LVRN: variants seen among roughly 807,000 people sequenced by gnomAD.
LVRN encodes laeverin.
In LVRN, 99 loss-of-function variants were observed where a neutral mutation model predicts 111.4. The observed-to-expected ratio is 0.89, with a 90% CI of 0.76 to 1.05. The LOEUF (loss-of-function observed/expected upper bound fraction) is 1.05, where lower values mean the gene tolerates loss of function less well. LVRN is among the 50% of genes least tolerant of loss of function. LVRN has a pLI of 0.00. For missense variants in LVRN, 1,414 were observed against 1,206.8 expected, an observed-to-expected ratio of 1.17 and a Z score of -2.54; for synonymous variants, 488 against 449.5, an observed-to-expected ratio of 1.09 and a Z score of -1.08.
intron 18 of LVRN, chr5:116,021,812 T>C (rs1748737215): frequency 5.0e-6 from 2 of 402,194 alleles, no homozygotes; most frequent in Non-Finnish European, 4.8e-6. Context: ...TTTTTTTTTT[T>C]CTAGATATTC....
At chr5:116,008,064 G>A (rs747534789) in intron 13 of LVRN, among the ~76,000 whole-genome samples, 3 of 152,218 alleles carry the variant, frequency 2.0e-5, no homozygotes, top group East Asian at 1.9e-4. Context: ...AATTAGGGCC[G>A]GGTGTGGTGG....
At chr5:116,009,889 G>A (rs182900654) in intron 13 of LVRN, among the ~76,000 whole-genome samples, 160 of 152,304 alleles carry the variant, frequency 1.1e-3, no homozygotes, top group African/African-American at 3.8e-3. Flanking sequence ...CGTATACTTA[G>A]TTGTCAAAAC....
chr5:115,997,201 C>T (rs1014586063), intron 6 of LVRN, among the ~76,000 whole-genome samples: 1 of 152,082 alleles, frequency 6.6e-6, no homozygotes, highest in African/African-American at 2.4e-5. Flanking sequence ...CGGACGGCAA[C>T]TGAGTTTCAG....
At chr5:116,004,933 ATTTTC>A in intron 12 of LVRN, among the ~76,000 whole-genome samples, 1 of 152,276 alleles carries the variant, frequency 6.6e-6, no homozygotes, top group Non-Finnish European at 1.5e-5. Flanking sequence ...TTACAATAAT[ATTTTC>A]TTTTCAAATA....
intron 19 of LVRN, chr5:116,023,414 T>G (rs984978802): frequency 2.6e-5 from 4 of 152,208 alleles, no homozygotes; most frequent in African/African-American, 9.7e-5. Flanking sequence ...CACTCTCAGT[T>G]GCAGAAGGAA....
chr5:115,993,200 G>GGTTT (rs1748032128), intron 5 of LVRN, among the ~76,000 whole-genome samples: 2 of 148,702 alleles, frequency 1.3e-5, no homozygotes, highest in South Asian at 4.2e-4. Flanking sequence ...ATTTGACACT[G>GGTTT]TTTTTTTTTT....
intron 16 of LVRN, 73 bp downstream of exon 16, chr5:116,014,600 C>A: frequency 2.5e-6 from 3 of 1,210,870 alleles, no homozygotes; most frequent in Non-Finnish European, 3.6e-6. Context: ...TTGATGTACT[C>A]ACTGTGGGAA....
chr5:116,022,495 A>G (rs759981187), intron 19 of LVRN, 29 bp downstream of exon 19: 3 of 1,451,778 alleles, frequency 2.1e-6, no homozygotes, highest in South Asian at 1.2e-5. Context: ...ATGAAATACA[A>G]TGATAATTTG....
In LVRN at chr5:115,995,537, C is replaced by G. The variant is rs1387620648; in HGVS notation, c.1374+1683C>G. The G allele has an allele frequency of 5.9e-5, 9 of 152,336 alleles. No individual in the cohort carries two copies. In the East Asian group the frequency reaches 1.5e-3, roughly 26 times the overall value. The allele number at this position is 152,336 out of a possible 1,614,324, so 9.4% of individuals were successfully genotyped here. ...TTATATAGATCAGGAGACTGAAGTACTGAAAGGTTAAATGACTTGCCAAAG... is the reference window on the plus strand; with the variant it reads ...TTATATAGATCAGGAGACTGAAGTAGTGAAAGGTTAAATGACTTGCCAAAG... On this transcript the variant is annotated intron_variant, in intron 6 of 19. Coordinates refer to ENST00000357872, the MANE Select transcript of LVRN (RefSeq NM_173800.5).
chr5:115,969,812 A>AAG (rs1378029129), intron 1 of LVRN, among the ~76,000 whole-genome samples: 1 of 151,460 alleles, frequency 6.6e-6, no homozygotes, highest in East Asian at 1.9e-4. Flanking sequence ...AAAAAAAAAA[A>AAG]AAAAAGATAT....
chr5:115,978,486 A>C (rs1397500592), intron 1 of LVRN, among the ~76,000 whole-genome samples: 1 of 152,172 alleles, frequency 6.6e-6, no homozygotes, highest in Non-Finnish European at 1.5e-5. Flanking sequence ...TCTGCTCTGC[A>C]TGAGGACCCC....
At chr5:116,003,494 C>A in intron 12 of LVRN, 114 bp downstream of exon 12, 1 of 614,036 alleles carries the variant, frequency 1.6e-6, no homozygotes, top group Non-Finnish European at 2.5e-6. Flanking sequence ...CGCCCCTCAC[C>A]TCCAGGCATG....
chr5:115,996,456 C>A (rs900109208), intron 6 of LVRN, among the ~76,000 whole-genome samples: 2 of 152,172 alleles, frequency 1.3e-5, no homozygotes, highest in Admixed American at 6.5e-5. Flanking sequence ...ATCTTGGCAA[C>A]TGAGGACATT....
chr5:115,977,227 A>C (rs1753468068), intron 1 of LVRN, among the ~76,000 whole-genome samples: 1 of 151,782 alleles, frequency 6.6e-6, no homozygotes, highest in Admixed American at 6.6e-5. Flanking sequence ...CTTATACTCT[A>C]CTCGGCAAAT....
intron 18 of LVRN, among the ~76,000 whole-genome samples, chr5:116,018,825 T>TTG (rs1748655796): frequency 6.6e-6 from 1 of 152,186 alleles, no homozygotes; most frequent in South Asian, 2.1e-4. Context: ...ATGAAGTGAC[T>TTG]TTTCAGTTGA....
At chr5:115,976,526 C>T (rs1301588998) in intron 1 of LVRN, among the ~76,000 whole-genome samples, 1 of 152,078 alleles carries the variant, frequency 6.6e-6, no homozygotes, top group Non-Finnish European at 1.5e-5. Context: ...TTGACACAAA[C>T]TTATTACTTT....
At chr5:115,993,408 C>T (rs1748037541) in intron 5 of LVRN, among the ~76,000 whole-genome samples, 1 of 152,178 alleles carries the variant, frequency 6.6e-6, no homozygotes, top group African/African-American at 2.4e-5. Context: ...TTCAGGGCTT[C>T]TGTTTTATGG....
At chr5:115,996,017 A>G (rs1748100844) in intron 6 of LVRN, among the ~76,000 whole-genome samples, 1 of 151,970 alleles carries the variant, frequency 6.6e-6, no homozygotes, top group Non-Finnish European at 1.5e-5. Context: ...AGCTCTCTCC[A>G]ACAGTCCTTT....
chr5:115,982,262 C>T (rs1181157373), intron 1 of LVRN, among the ~76,000 whole-genome samples: 1 of 152,166 alleles, frequency 6.6e-6, no homozygotes, highest in Non-Finnish European at 1.5e-5. Flanking sequence ...AATTCTTATG[C>T]AAGCAGCAGC....
Sources: allele counts gnomAD v4.1 joint callset (sites outside exome capture counted in the v4.1 genomes callset), GRCh38; gene constraint gnomAD v4.1.1; transcripts MANE v1.5; gene names NCBI Gene and HGNC (gene_info 2026-07-23, HGNC 2026-07-21).